Variants in JAZF1 observed in about 807,000 individuals in gnomAD.
JAZF1 encodes juxtaposed with another zinc finger protein 1.
JAZF1 carries 8 observed loss-of-function variants against 26.4 expected under a neutral mutation model. That is an observed-to-expected ratio of 0.30 (90% CI 0.18 to 0.55). JAZF1 has a LOEUF of 0.55. Ranked by LOEUF, JAZF1 falls within the 20% of genes least tolerant of loss-of-function variation. The probability of loss-of-function intolerance (pLI) is 0.94; values close to 1 mark genes in which losing one functional copy is unlikely to be tolerated. For missense variants in JAZF1, 199 were observed against 322.0 expected, an observed-to-expected ratio of 0.62 and a Z score of 2.92; for synonymous variants, 126 against 122.3, an observed-to-expected ratio of 1.03 and a Z score of -0.20.
chr7:27,961,162 A>G (rs1466247099), intron 2 of JAZF1, among the ~76,000 whole-genome samples: 1 of 152,204 alleles, frequency 6.6e-6, no homozygotes, highest in Non-Finnish European at 1.5e-5. Context: ...TACTTATAAC[A>G]GTCGTTAGGG....
intron 1 of JAZF1, among the ~76,000 whole-genome samples, chr7:28,086,031 T>A (rs1035185756): frequency 4.6e-5 from 7 of 152,240 alleles, no homozygotes; most frequent in African/African-American, 1.7e-4. Context: ...ATTCTATGTA[T>A]CCATATGCCT....
At chr7:27,987,362 T>C (rs1483636077) in intron 2 of JAZF1, among the ~76,000 whole-genome samples, 1 of 148,564 alleles carries the variant, frequency 6.7e-6, no homozygotes, top group Non-Finnish European at 1.5e-5. Flanking sequence ...ATCTGGGAGG[T>C]GAGGAGCGTC....
chr7:28,137,320 G>A (rs1782901184), intron 1 of JAZF1, among the ~76,000 whole-genome samples: 1 of 152,178 alleles, frequency 6.6e-6, no homozygotes, highest in African/African-American at 2.4e-5. Flanking sequence ...GTAAGGGGCA[G>A]GGGTGGACCA....
chr7:28,059,379 T>C (rs1783764264), intron 1 of JAZF1, among the ~76,000 whole-genome samples: 1 of 152,216 alleles, frequency 6.6e-6, no homozygotes, highest in African/African-American at 2.4e-5. Flanking sequence ...TATAATTTAG[T>C]GGTTATTCTG....
At chr7:28,046,657 G>C (rs1232930843) in intron 1 of JAZF1, among the ~76,000 whole-genome samples, 3 of 152,160 alleles carry the variant, frequency 2.0e-5, no homozygotes, top group African/African-American at 7.2e-5. Flanking sequence ...CCAAGTGCTG[G>C]ACATTGCCAA....
At chr7:28,066,822 G>A (rs1488450331) in intron 1 of JAZF1, among the ~76,000 whole-genome samples, 1 of 151,962 alleles carries the variant, frequency 6.6e-6, no homozygotes, top group Non-Finnish European at 1.5e-5. Context: ...ACTCTAATTG[G>A]AAAATCAGTT....
At chr7:27,920,734 C>A (rs1397737844) in intron 2 of JAZF1, among the ~76,000 whole-genome samples, 1 of 152,008 alleles carries the variant, frequency 6.6e-6, no homozygotes, top group Non-Finnish European at 1.5e-5. Flanking sequence ...CCACTTCCGC[C>A]GACAACAGAG....
chr7:28,001,079 C>A (rs113020842), intron 1 of JAZF1, among the ~76,000 whole-genome samples: 1 of 151,844 alleles, frequency 6.6e-6, no homozygotes. Flanking sequence ...TCTGGCCGGG[C>A]GCAGTGGCTC....
intron 2 of JAZF1, among the ~76,000 whole-genome samples, chr7:27,946,328 A>G (rs1784924103): frequency 6.6e-6 from 1 of 152,250 alleles, no homozygotes. Context: ...CCAAATAAAG[A>G]TATGTAATTT....
chr7:28,081,769 C>T (rs530214561), intron 1 of JAZF1, among the ~76,000 whole-genome samples: 7 of 152,226 alleles, frequency 4.6e-5, no homozygotes, highest in Non-Finnish European at 8.8e-5. Flanking sequence ...ATATGTGTTT[C>T]CATCTTTCCA....
chr7:27,847,438 A>C (rs1783051880), intron 3 of JAZF1, among the ~76,000 whole-genome samples: 1 of 152,040 alleles, frequency 6.6e-6, no homozygotes, highest in Admixed American at 6.5e-5. Flanking sequence ...TCTTATATCC[A>C]TTTGGAGTTG....
chr7:27,879,439 A>G (rs577471190), intron 3 of JAZF1, among the ~76,000 whole-genome samples: 2 of 152,298 alleles, frequency 1.3e-5, no homozygotes, highest in Non-Finnish European at 2.9e-5. Flanking sequence ...TCATGAACAG[A>G]GAGGGAAATG....
intron 2 of JAZF1, among the ~76,000 whole-genome samples, chr7:27,969,110 T>C (rs145722082): frequency 8.3e-4 from 126 of 152,308 alleles, no homozygotes; most frequent in African/African-American, 2.9e-3. Flanking sequence ...AACTCACAAT[T>C]TGCCAAGGTG....
At chr7:28,003,546 A>G (rs1489707696) in intron 1 of JAZF1, among the ~76,000 whole-genome samples, 3 of 152,236 alleles carry the variant, frequency 2.0e-5, no homozygotes, top group Non-Finnish European at 4.4e-5. Context: ...AAAGTGAAAA[A>G]TGAGTGTGCG....
chr7:28,178,621 T>C (rs1783583591), intron 1 of JAZF1, among the ~76,000 whole-genome samples: 2 of 152,204 alleles, frequency 1.3e-5, no homozygotes, highest in Admixed American at 1.3e-4. Context: ...TACCAGAACT[T>C]CACAGTACCG....
At chr7:28,155,925 G>C (rs149427787) in intron 1 of JAZF1, among the ~76,000 whole-genome samples, 1 of 152,292 alleles carries the variant, frequency 6.6e-6, no homozygotes, top group African/African-American at 2.4e-5. Flanking sequence ...TATCTTAAGG[G>C]TATAAGGGTA....
intron 1 of JAZF1, among the ~76,000 whole-genome samples, chr7:28,067,491 C>G (rs1240326857): frequency 2.6e-5 from 4 of 152,174 alleles, no homozygotes; most frequent in Non-Finnish European, 2.9e-5. Context: ...AGAATCAATG[C>G]CAAGGCTTCA....
intron 1 of JAZF1, among the ~76,000 whole-genome samples, chr7:28,109,124 C>A (rs1238920630): frequency 6.6e-6 from 1 of 152,148 alleles, no homozygotes; most frequent in African/African-American, 2.4e-5. Context: ...ATGAATAATT[C>A]TGGGGATGTA....
At chr7:27,869,482 C>T (rs552522637) in intron 3 of JAZF1, among the ~76,000 whole-genome samples, 53 of 152,256 alleles carry the variant, frequency 3.5e-4, no homozygotes, top group Admixed American at 2.9e-3. Context: ...CATGGAGGTA[C>T]AAACATCTGC....
Sources: allele counts gnomAD v4.1 joint callset (sites outside exome capture counted in the v4.1 genomes callset), GRCh38; gene constraint gnomAD v4.1.1; transcripts MANE v1.5; gene names NCBI Gene and HGNC (gene_info 2026-07-23, HGNC 2026-07-21).